The following EPS8 variants were observed in gnomAD, a reference collection of about 807,000 sequenced individuals.
The protein encoded by EPS8 is EGFR pathway substrate 8, signaling adaptor, also known as epidermal growth factor receptor kinase substrate 8.
EPS8 carries 42 observed loss-of-function variants against 103.8 expected under a neutral mutation model. The observed-to-expected ratio is 0.40, with a 90% CI of 0.32 to 0.52. The LOEUF is 0.52. EPS8 is among the 20% of genes least tolerant of loss of function. EPS8 has a pLI of 0.40. For synonymous variants in EPS8, 344 were observed against 344.6 expected (o/e 1.00, Z 0.02); for missense variants, 969 against 1,005.1 (o/e 0.96, Z 0.49).
At chr12:15,664,186 T>C (rs183673400) in intron 8 of EPS8, among the ~76,000 whole-genome samples, 84 of 151,652 alleles carry the variant, frequency 5.5e-4, no homozygotes, top group African/African-American at 1.8e-3. Flanking sequence ...TACTGTCTTT[T>C]AAACACATTT....
At chr12:15,755,311 A>T (rs1259326740) in intron 1 of EPS8, among the ~76,000 whole-genome samples, 1 of 152,146 alleles carries the variant, frequency 6.6e-6, no homozygotes, top group African/African-American at 2.4e-5. Flanking sequence ...TACATGCAAA[A>T]CCTATATATT....
At chr12:15,674,600 A>T (rs1945871868) in intron 3 of EPS8, among the ~76,000 whole-genome samples, 1 of 152,208 alleles carries the variant, frequency 6.6e-6, no homozygotes, top group African/African-American at 2.4e-5. Context: ...TTTCTTTAAA[A>T]CTACATTAAG....
chr12:15,743,441 G>A (rs1242691954), intron 1 of EPS8, among the ~76,000 whole-genome samples: 1 of 152,184 alleles, frequency 6.6e-6, no homozygotes, highest in African/African-American at 2.4e-5. Context: ...CCAGTAAAGA[G>A]CCCGCATTGC....
chr12:15,723,904 G>A (rs1330847533), intron 1 of EPS8, among the ~76,000 whole-genome samples: 1 of 152,048 alleles, frequency 6.6e-6, no homozygotes, highest in Non-Finnish European at 1.5e-5. Context: ...TGTAAATACA[G>A]AATTAAATTT....
chr12:15,651,411 A>T (rs544907461), intron 13 of EPS8, among the ~76,000 whole-genome samples: 1 of 152,098 alleles, frequency 6.6e-6, no homozygotes, highest in South Asian at 2.1e-4. Context: ...CTTTCCCTTC[A>T]CTCCCCTCCC....
chr12:15,636,502 G>T (rs916504761), intron 17 of EPS8, among the ~76,000 whole-genome samples: 1 of 152,132 alleles, frequency 6.6e-6, no homozygotes, highest in African/African-American at 2.4e-5. Context: ...GGGACACCAG[G>T]TGGCAATTCA....
chr12:15,710,085 G>C (rs1185437865), intron 1 of EPS8, among the ~76,000 whole-genome samples: 1 of 24,546 alleles, frequency 4.1e-5, no homozygotes, highest in African/African-American at 4.9e-5. Context: ...CCATGGCCCA[G>C]GGGTTGGGGG....
chr12:15,654,293 C>T lies in EPS8; in HGVS notation c.1102G>A (p.Val368Met), dbSNP rs763005561. 10 of 1,612,140 alleles carry T rather than the reference C, an allele frequency of 6.2e-6. No individual in the cohort carries two copies. In the African/African-American group the frequency reaches 8.0e-5, roughly 13 times the overall value. The change falls in exon 13 of 21, where the codon GTG becomes ATG. Residue 368 changes from valine to methionine, a missense_variant and splice_region_variant. Coordinates refer to ENST00000281172, the MANE Select transcript of EPS8 (RefSeq NM_004447.6). ...VHFLFTPLNMVVQATGGPELA... is the reference protein window; with the variant it reads ...VHFLFTPLNMMVQATGGPELA... ...TCAGGACCTCCTGTTGCCTGCACCA[C>T]CTAAGATAATAAACCATTTTTTAGC... is the stretch of plus-strand genomic sequence containing the variant.
chr12:15,647,577 T>C (rs544434504), intron 14 of EPS8, among the ~76,000 whole-genome samples: 1 of 152,336 alleles, frequency 6.6e-6, no homozygotes, highest in African/African-American at 2.4e-5. Context: ...CTCATTTTTC[T>C]CAATTTCAAA....
In EPS8 at chr12:15,706,947, C is replaced by T. The variant is rs1946395061; in HGVS notation, c.-21-23975G>A. ...TCCTTATTAAATGTAAAACTTTAGG[C>T]TTACTTAGCCTCTATGAGCCTAGTT... On this transcript the variant is annotated intron_variant, in intron 1 of 20. Transcript: ENST00000281172. This position sits in a 1 kb window ranked among gnomAD's most constrained non-coding sequence, Gnocchi z 5.2. 6.6e-6 allele frequency among the ~76,000 whole-genome samples: 1 copy of T among 152,088 alleles called. No homozygotes were observed. The highest frequency in any genetic ancestry group is 2.4e-5 in the African/African-American group (1 of 41,414).
chr12:15,720,037 T>C (rs1946577520), intron 1 of EPS8, among the ~76,000 whole-genome samples: 1 of 152,226 alleles, frequency 6.6e-6, no homozygotes. Context: ...TTGTAAAGAA[T>C]TCAGGTTCAT....
At chr12:15,674,103 A>G (rs1215120406) in intron 3 of EPS8, among the ~76,000 whole-genome samples, 1 of 152,230 alleles carries the variant, frequency 6.6e-6, no homozygotes, top group Non-Finnish European at 1.5e-5. Context: ...TAATTTGTTA[A>G]TTAGTTGAAC....
chr12:15,765,817 G>A (rs180808709), intron 1 of EPS8, among the ~76,000 whole-genome samples: 112 of 140,650 alleles, frequency 8.0e-4, no homozygotes, highest in African/African-American at 2.6e-3. Flanking sequence ...TTTTTTTTTG[G>A]TTTTTTTTTT....
In EPS8 at chr12:15,717,460, G is replaced by C. The variant is rs1946545089; in HGVS notation, c.-21-34488C>G. The stretch of plus-strand genomic sequence containing the variant: ...AAATTAGCTGGGCGCGGTGGCACGT[G>C]CCTGTAATCCCAGCTACTTGGGAGG... On this transcript the variant is annotated intron_variant, in intron 1 of 20. Coordinates refer to ENST00000281172, the MANE Select transcript of EPS8 (RefSeq NM_004447.6). The surrounding 1 kb of genome is among the most constrained non-coding windows in gnomAD (Gnocchi z 4.3). 6.6e-6 allele frequency among the ~76,000 whole-genome samples: 1 copy of C among 152,050 alleles called. No individual in the cohort carries two copies. Among genetic ancestry groups the C allele is most frequent in the Admixed American group, 6.6e-5 (1 of 15,262 alleles).
intron 1 of EPS8, among the ~76,000 whole-genome samples, chr12:15,730,610 C>G (rs1269899788): frequency 6.6e-6 from 1 of 152,174 alleles, no homozygotes; most frequent in Non-Finnish European, 1.5e-5. Flanking sequence ...AAACTATGAA[C>G]TCTTTGAGGG....
chr12:15,754,244 AAAAG>A (rs1365181931), intron 1 of EPS8, among the ~76,000 whole-genome samples: 1 of 152,200 alleles, frequency 6.6e-6, no homozygotes, highest in African/African-American at 2.4e-5. Context: ...AAAAAAAAAA[AAAAG>A]AGTTTAAATG....
intron 2 of EPS8, among the ~76,000 whole-genome samples, chr12:15,681,637 G>C (rs1015677015): frequency 2.0e-5 from 3 of 149,968 alleles, no homozygotes; most frequent in Non-Finnish European, 4.4e-5. Flanking sequence ...GGCTGAGGCA[G>C]GAGAATCGCA....
intron 15 of EPS8, among the ~76,000 whole-genome samples, chr12:15,643,842 C>T (rs1456969406): frequency 6.6e-6 from 1 of 151,470 alleles, no homozygotes; most frequent in Admixed American, 6.6e-5. Context: ...AATAGATACG[C>T]CACTTGATAG....
At chr12:15,665,600 G>T in intron 8 of EPS8, 156 bp downstream of exon 8, 1 of 810,176 alleles carries the variant, frequency 1.2e-6, no homozygotes, top group Non-Finnish European at 2.0e-6. Context: ...CAAAGCACTG[G>T]GATTACAGGC....
Sources: gnomAD v4.1 joint callset for allele counts (sites outside exome capture counted in the v4.1 genomes callset) on GRCh38, gnomAD v4.1.1 for gene constraint, Gnocchi (gnomAD v3.1) non-coding constraint, MANE v1.5 for transcripts, NCBI Gene and HGNC (gene_info 2026-07-23, HGNC 2026-07-21) for gene names.